RIT2: variants seen among roughly 807,000 people sequenced by gnomAD.
RIT2 encodes GTP-binding protein Rit2.
RIT2 carries 24 observed loss-of-function variants against 23.7 expected under a neutral mutation model. The observed-to-expected ratio is 1.01, with a 90% CI of 0.73 to 1.43. The LOEUF is 1.43. Among genes scored for constraint, RIT2 ranks in the 40% most tolerant of loss-of-function variants. The pLI, the probability that RIT2 is intolerant of heterozygous loss-of-function variation, is 0.00. For missense variants in RIT2, 236 were observed against 266.9 expected (o/e 0.88, Z 0.81); for synonymous variants, 107 against 91.1 (o/e 1.17, Z -0.99).
At chr18:42,874,124 C>T (rs753915023) in intron 4 of RIT2, among the ~76,000 whole-genome samples, 1 of 152,116 alleles carries the variant, frequency 6.6e-6, no homozygotes, top group Non-Finnish European at 1.5e-5. Context: ...GAAACTAAAA[C>T]CTTGGAGAGG....
intron 2 of RIT2, 146 bp from the exon 3 acceptor site, chr18:42,974,293 GTAACT>G (rs1910431498): frequency 1.8e-6 from 1 of 552,484 alleles, no homozygotes. Context: ...GAAAAATGAT[GTAACT>G]CAGGAAAATA....
At chr18:42,857,088 C>T (rs527751412) in intron 4 of RIT2, among the ~76,000 whole-genome samples, 40 of 151,756 alleles carry the variant, frequency 2.6e-4, no homozygotes, top group African/African-American at 9.4e-4. Context: ...CCAAAGTGCT[C>T]GGATTACTGG....
intron 3 of RIT2, among the ~76,000 whole-genome samples, chr18:42,968,408 C>T (rs1240722281): frequency 6.6e-6 from 1 of 152,098 alleles, no homozygotes. Context: ...ATCCTATTTG[C>T]AGTAATGTTA....
chr18:42,918,407 T>C (rs1343113082), intron 4 of RIT2, among the ~76,000 whole-genome samples: 1 of 152,130 alleles, frequency 6.6e-6, no homozygotes, highest in African/African-American at 2.4e-5. Context: ...CAAAATGCTA[T>C]GGAAAAGATA....
At chr18:42,772,083 T>C (rs549865106) in intron 4 of RIT2, among the ~76,000 whole-genome samples, 1 of 152,186 alleles carries the variant, frequency 6.6e-6, no homozygotes, top group East Asian at 1.9e-4. Flanking sequence ...AGTGAGAAGT[T>C]ATCCAATGAC....
At chr18:42,839,481 A>T (rs998179175) in intron 4 of RIT2, among the ~76,000 whole-genome samples, 3 of 152,206 alleles carry the variant, frequency 2.0e-5, no homozygotes, top group Admixed American at 2.0e-4. Flanking sequence ...TTAATATCAC[A>T]GTGTGACTTG....
intron 3 of RIT2, among the ~76,000 whole-genome samples, chr18:42,970,321 G>A (rs1910332272): frequency 6.6e-6 from 1 of 151,872 alleles, no homozygotes; most frequent in Non-Finnish European, 1.5e-5. Flanking sequence ...TTAACAAATG[G>A]AAGACATCAA....
At chr18:42,946,397 GAC>G (rs1909727276) in intron 3 of RIT2, among the ~76,000 whole-genome samples, 1 of 151,934 alleles carries the variant, frequency 6.6e-6, no homozygotes, top group Non-Finnish European at 1.5e-5. Context: ...TTCTATTAAA[GAC>G]AACACAAAAT....
chr18:42,792,915 G>C (rs934139584), intron 4 of RIT2, among the ~76,000 whole-genome samples: 8 of 152,106 alleles, frequency 5.3e-5, no homozygotes, highest in Non-Finnish European at 1.0e-4. Flanking sequence ...GTGCAAAACT[G>C]CAGTGAGTCA....
At chr18:42,930,019 G>A (rs542884817) in intron 3 of RIT2, among the ~76,000 whole-genome samples, 1 of 152,228 alleles carries the variant, frequency 6.6e-6, no homozygotes, top group African/African-American at 2.4e-5. Context: ...GACAGACTGG[G>A]ATAGGCCCTT....
chr18:42,938,702 G>T (rs1909521372), intron 3 of RIT2, among the ~76,000 whole-genome samples: 1 of 152,070 alleles, frequency 6.6e-6, no homozygotes, highest in African/African-American at 2.4e-5. Flanking sequence ...TACTCTAAGA[G>T]AATTATTAGT....
rs536946651 is a variant in RIT2, at chr18:42,951,233, A to G, written c.234+22841T>C. 2.6e-5 allele frequency among the ~76,000 whole-genome samples: 4 copies of G among 152,252 alleles called. No individual in the cohort carries two copies. The South Asian group carries it at 8.3e-4, about 32-fold the overall frequency. ...AAAATGTAGTGTATATACACCATGG[A>G]CTATTATGCAGACATAAAAATAAAT... On this transcript the variant is annotated intron_variant, in intron 3 of 4. Coordinates refer to ENST00000326695, the MANE Select transcript of RIT2 (RefSeq NM_002930.4).
chr18:42,850,020 C>T (rs181954648), intron 4 of RIT2, among the ~76,000 whole-genome samples: 4 of 152,028 alleles, frequency 2.6e-5, no homozygotes, highest in African/African-American at 9.6e-5. Flanking sequence ...GTTCATGTCC[C>T]TCCAATTTTT....
chr18:42,905,982 AT>A (rs1568026746), intron 4 of RIT2, among the ~76,000 whole-genome samples: 6 of 1,208 alleles, frequency 5.0e-3, no homozygotes, highest in Non-Finnish European at 0.014. Flanking sequence ...ATTGAAATAT[AT>A]ATATATATGT....
chr18:42,955,375 G>C lies in RIT2; in HGVS notation c.234+18699C>G, dbSNP rs149404280. ...ATACCAGGCTGATATGAAGGCAGAA[G>C]CCAGCTGACCATGGTGGCACATGAA... is the stretch of plus-strand genomic sequence containing the variant. On this transcript the variant is annotated intron_variant, in intron 3 of 4. Coordinates refer to ENST00000326695, the MANE Select transcript of RIT2 (RefSeq NM_002930.4). Among the ~76,000 whole-genome samples, 650 of 152,282 alleles carry C rather than the reference G, an allele frequency of 4.3e-3. 2 individuals carry two copies. The highest frequency in any genetic ancestry group is 7.7e-3 in the Non-Finnish European group (526 of 68,022).
At chr18:42,758,076 TA>T in intron 4 of RIT2, among the ~76,000 whole-genome samples, 1 of 152,102 alleles carries the variant, frequency 6.6e-6, no homozygotes, top group East Asian at 1.9e-4. Flanking sequence ...TCTTCTTCTA[TA>T]ACAGCCCCTT....
chr18:43,000,849 G>T (rs1471426411), intron 2 of RIT2, among the ~76,000 whole-genome samples: 1 of 151,896 alleles, frequency 6.6e-6, no homozygotes, highest in East Asian at 1.9e-4. Context: ...CCAGTCTCAG[G>T]TATTTCTTTA....
intron 1 of RIT2, among the ~76,000 whole-genome samples, chr18:43,045,279 T>G (rs1478595564): frequency 6.6e-6 from 1 of 152,120 alleles, no homozygotes; most frequent in Non-Finnish European, 1.5e-5. Context: ...TACAGACAAT[T>G]CCAAAGCATT....
Position 42,824,427 on chromosome 18 carries a change from A to G in RIT2, c.427-80707T>C, listed in dbSNP as rs1906238214. Among the ~76,000 whole-genome samples, 3 of 152,208 alleles carry G rather than the reference A, an allele frequency of 2.0e-5. No homozygotes were observed. The South Asian group carries it at 6.2e-4, about 31-fold the overall frequency. On this transcript the variant is annotated intron_variant, in intron 4 of 4. Transcript: ENST00000326695. ...TCTTTCTTGGAATTAAGTCAATATA[A>G]GAGTGCAATATTCATAGCTATTTTT...
Sources: allele counts gnomAD v4.1 joint callset (sites outside exome capture counted in the v4.1 genomes callset), GRCh38; gene constraint gnomAD v4.1.1; transcripts MANE v1.5; gene names NCBI Gene and HGNC (gene_info 2026-07-23, HGNC 2026-07-21).